The following ZNF609 variants were observed in gnomAD, a reference collection of about 807,000 sequenced individuals.
ZNF609 encodes zinc finger protein 609.
A neutral mutation model predicts 109.5 loss-of-function variants in ZNF609; 11 were observed. That is an observed-to-expected ratio of 0.10 (90% confidence interval 0.06 to 0.17). The LOEUF (loss-of-function observed/expected upper bound fraction) is 0.17. Ranked by LOEUF, ZNF609 falls within the 10% of genes least tolerant of loss-of-function variation. The pLI is 1.00. For missense variants in ZNF609, 1,559 were observed against 1,772.4 expected, an observed-to-expected ratio of 0.88 and a Z score of 2.16; for synonymous variants, 646 against 662.0, an observed-to-expected ratio of 0.98 and a Z score of 0.37.
At chr15:64,677,913 G>A (rs1185351138) in intron 5 of ZNF609, among the ~76,000 whole-genome samples, 52 of 152,208 alleles carry the variant, frequency 3.4e-4, no homozygotes, top group Non-Finnish European at 1.5e-5. Flanking sequence ...CCCTGTGGGT[G>A]GGTGCAGAGG....
chr15:64,499,463 C>T lies in ZNF609; in HGVS notation c.44C>T (p.Ala15Val). Residue 15 changes from alanine (A) to valine (V), a missense_variant, in exon 2 of 10, where the codon GCA becomes GTA. Physicochemically the swap from Ala to Val is moderately conservative, Grantham distance 64 (BLOSUM62 0). This residue lies in a region of ZNF609 where 26 missense variants were observed against 58.4 expected (regional missense o/e 0.44). Transcript: ENST00000326648. ...SGASGGKGVD[A>V]NPVETYDSGD... ...GCCTCCGGAGGGAAAGGAGTGGATGCAAACCCGGTTGAGACATACGACAGT... is the reference window on the plus strand; with the variant it reads ...GCCTCCGGAGGGAAAGGAGTGGATGTAAACCCGGTTGAGACATACGACAGT... The T allele has an allele frequency of 1.2e-6, 2 of 1,614,020 alleles. No homozygotes were observed. The highest frequency in any genetic ancestry group is 8.5e-7 in the Non-Finnish European group (1 of 1,180,010).
intron 2 of ZNF609, among the ~76,000 whole-genome samples, chr15:64,524,729 G>GT (rs1228119685): frequency 6.6e-6 from 1 of 152,100 alleles, no homozygotes; most frequent in Non-Finnish European, 1.5e-5. Context: ...GGATATTTGG[G>GT]TTTTTTCCTT....
intron 2 of ZNF609, among the ~76,000 whole-genome samples, chr15:64,579,552 A>T (rs961486677): frequency 2.6e-5 from 4 of 151,994 alleles, no homozygotes; most frequent in African/African-American, 4.8e-5. Flanking sequence ...CTCTACTAAA[A>T]GTACAAAAAA....
intron 1 of ZNF609, among the ~76,000 whole-genome samples, chr15:64,498,147 T>C (rs1489849627): frequency 6.6e-6 from 1 of 151,970 alleles, no homozygotes; most frequent in Non-Finnish European, 1.5e-5. Flanking sequence ...CCTCCCAGGT[T>C]CAAATGATTC....
intron 2 of ZNF609, among the ~76,000 whole-genome samples, chr15:64,564,065 C>T (rs560323710): frequency 1.3e-5 from 2 of 151,586 alleles, no homozygotes; most frequent in Non-Finnish European, 2.9e-5. Context: ...TTAAATTGTG[C>T]CTCATTCTGA....
intron 2 of ZNF609, among the ~76,000 whole-genome samples, chr15:64,555,905 A>G (rs868309540): frequency 3.5e-4 from 53 of 150,540 alleles, no homozygotes; most frequent in Non-Finnish European, 5.6e-4. Context: ...AAAAAAAAAA[A>G]AAAAAAGAAA....
chr15:64,465,378 G>C (rs1191600790), intron 1 of ZNF609, among the ~76,000 whole-genome samples: 1 of 152,010 alleles, frequency 6.6e-6, no homozygotes, highest in Non-Finnish European at 1.5e-5. Context: ...TTATTTGTTT[G>C]TTTGTTTGTT....
chr15:64,559,660 C>T (rs1894646187), intron 2 of ZNF609, among the ~76,000 whole-genome samples: 1 of 152,190 alleles, frequency 6.6e-6, no homozygotes. Flanking sequence ...ATATTAATAA[C>T]TTTAATAAGA....
intron 2 of ZNF609, among the ~76,000 whole-genome samples, chr15:64,607,188 A>T (rs932516926): frequency 6.6e-6 from 1 of 150,766 alleles, no homozygotes. Context: ...TAAAGTAAAA[A>T]AAATAAATAA....
intron 1 of ZNF609, among the ~76,000 whole-genome samples, chr15:64,471,627 A>G (rs1462392522): frequency 6.6e-6 from 1 of 152,108 alleles, no homozygotes; most frequent in Non-Finnish European, 1.5e-5. Context: ...TTTGTTGCCC[A>G]GGCTGGAGTG....
chr15:64,606,906 G>A (rs1049229632), intron 2 of ZNF609, among the ~76,000 whole-genome samples: 3 of 152,182 alleles, frequency 2.0e-5, no homozygotes, highest in Non-Finnish European at 4.4e-5. Context: ...CACTTTGGGA[G>A]GCCGAGGCTG....
At chr15:64,664,944 T>A (rs1304263335) in intron 3 of ZNF609, among the ~76,000 whole-genome samples, 3 of 152,236 alleles carry the variant, frequency 2.0e-5, no homozygotes, top group Non-Finnish European at 4.4e-5. Flanking sequence ...ACAGCTGTGC[T>A]CATCTGCCCT....
chr15:64,576,010 G>A (rs1340443247), intron 2 of ZNF609, among the ~76,000 whole-genome samples: 1 of 152,174 alleles, frequency 6.6e-6, no homozygotes, highest in East Asian at 1.9e-4. Context: ...GCTGAGGCAG[G>A]AGAATGGCAC....
chr15:64,670,488 T>G, intron 4 of ZNF609, 55 bp downstream of exon 4: 1 of 1,435,652 alleles, frequency 7.0e-7, no homozygotes, highest in South Asian at 1.1e-5. Context: ...TAATTGGTGA[T>G]CCCTTATACT....
At chr15:64,626,681 C>T (rs1253815485) in intron 3 of ZNF609, among the ~76,000 whole-genome samples, 1 of 152,172 alleles carries the variant, frequency 6.6e-6, no homozygotes, top group Non-Finnish European at 1.5e-5. Flanking sequence ...GCCTACTTGT[C>T]CTACAGTGTT....
chr15:64,623,186 C>A, intron 3 of ZNF609, 134 bp downstream of exon 3: 1 of 893,958 alleles, frequency 1.1e-6, no homozygotes, highest in Non-Finnish European at 1.7e-6. Context: ...GAGATACCCA[C>A]ACAGAGGATT....
At chr15:64,609,902 C>T (rs1239195084) in intron 2 of ZNF609, among the ~76,000 whole-genome samples, 1 of 151,714 alleles carries the variant, frequency 6.6e-6, no homozygotes, top group African/African-American at 2.4e-5. Flanking sequence ...GTGGCATGCA[C>T]CTGTAGTCCC....
Position 64,460,700 on chromosome 15 carries a change from G to C in ZNF609, c.-266G>C, listed in dbSNP as rs2140323236. ...GGGAGGGGGCAGAGAGCCAGAGCCG[G>C]AGCCGGAGCCGGAGCCGGGGTGGGG... On this transcript the variant is annotated 5_prime_UTR_variant, in exon 1 of 10. Transcript: ENST00000326648. The C allele has an allele frequency of 7.0e-6, 1 of 142,994 alleles. No homozygotes were observed. Among genetic ancestry groups the C allele is most frequent in the Non-Finnish European group, 1.5e-5 (1 of 68,188 alleles). The allele number at this position is 142,994 out of a possible 1,614,324, so 8.9% of individuals were successfully genotyped here. A position where few individuals can be genotyped will look rare whatever the true frequency, so the allele number is the denominator to read the frequency against.
At chr15:64,469,054 A>AC (rs1160033210) in intron 1 of ZNF609, among the ~76,000 whole-genome samples, 1 of 135,426 alleles carries the variant, frequency 7.4e-6, no homozygotes, top group Admixed American at 7.4e-5. Flanking sequence ...AAAAAAAAAA[A>AC]AACAACACAA....
Sources: gnomAD v4.1 joint callset for allele counts (sites outside exome capture counted in the v4.1 genomes callset) on GRCh38, gnomAD v4.1.1 for gene constraint, gnomAD v4.1.1 regional missense constraint, MANE v1.5 for transcripts, NCBI Gene and HGNC (gene_info 2026-07-23, HGNC 2026-07-21) for gene names.